Variants in MACO1 observed in about 807,000 individuals in gnomAD.
The protein encoded by MACO1 is macoilin 1, also known as macoilin.
In MACO1, 14 loss-of-function variants were observed where a neutral mutation model predicts 78.7. The ratio of observed to expected loss-of-function variants is 0.18; its 90% CI spans 0.12 to 0.28. The LOEUF (loss-of-function observed/expected upper bound fraction) is 0.28, where lower values mean the gene tolerates loss of function less well. MACO1 is among the 10% of genes least tolerant of loss of function. MACO1 has a pLI of 1.00. For missense variants in MACO1, 501 were observed against 799.0 expected, an observed-to-expected ratio of 0.63 and a Z score of 4.50; for synonymous variants, 288 against 291.6, an observed-to-expected ratio of 0.99 and a Z score of 0.12.
At chr1:25,454,529 G>C (rs564110659) in intron 4 of MACO1, 147 bp downstream of exon 4, 6 of 190,496 alleles carry the variant, frequency 3.1e-5, no homozygotes, top group African/African-American at 1.5e-4. Flanking sequence ...TGTCACCCAG[G>C]CTGGAATGCA....
intron 1 of MACO1, among the ~76,000 whole-genome samples, chr1:25,441,613 C>A (rs545112764): frequency 6.6e-6 from 1 of 152,196 alleles, no homozygotes; most frequent in Admixed American, 6.5e-5. Flanking sequence ...TACATCCGAA[C>A]AGTTAATTAC....
chr1:25,435,937 T>C (rs1481580858), intron 1 of MACO1, among the ~76,000 whole-genome samples: 1 of 152,224 alleles, frequency 6.6e-6, no homozygotes, highest in Non-Finnish European at 1.5e-5. Flanking sequence ...GTCTGAGCAG[T>C]CTTGGCAGTT....
chr1:25,434,238 G>A (rs1323864824), intron 1 of MACO1, among the ~76,000 whole-genome samples: 4 of 152,144 alleles, frequency 2.6e-5, no homozygotes, highest in African/African-American at 9.7e-5. Flanking sequence ...ATAGGAGAAA[G>A]GAAATAGGAA....
intron 1 of MACO1, among the ~76,000 whole-genome samples, chr1:25,435,504 G>A (rs2042912227): frequency 6.6e-6 from 1 of 152,056 alleles, no homozygotes; most frequent in African/African-American, 2.4e-5. Flanking sequence ...ATCTCCAGAG[G>A]TTTCATTTGA....
chr1:25,437,071 G>A (rs576205847), intron 1 of MACO1, among the ~76,000 whole-genome samples: 1 of 152,086 alleles, frequency 6.6e-6, no homozygotes, highest in Non-Finnish European at 1.5e-5. Context: ...CAGCACAGAG[G>A]AGTGGCTAGA....
At chr1:25,495,918 C>T (rs776185751) in intron 10 of MACO1, among the ~76,000 whole-genome samples, 30 of 152,246 alleles carry the variant, frequency 2.0e-4, no homozygotes, top group Non-Finnish European at 4.0e-4. Context: ...GTAGCAATCA[C>T]GCCACTGCAC....
intron 6 of MACO1, among the ~76,000 whole-genome samples, chr1:25,472,191 T>G (rs2043277024): frequency 6.6e-6 from 1 of 151,572 alleles, no homozygotes. Flanking sequence ...GATCCCACAT[T>G]AAAAAAATAT....
chr1:25,471,635 A>G (rs2043272617), intron 6 of MACO1, among the ~76,000 whole-genome samples: 1 of 152,162 alleles, frequency 6.6e-6, no homozygotes, highest in Non-Finnish European at 1.5e-5. Context: ...AATAAATGCT[A>G]CCTTTGTGCA....
intron 1 of MACO1, among the ~76,000 whole-genome samples, chr1:25,442,385 G>A (rs758820742): frequency 6.6e-6 from 1 of 152,190 alleles, no homozygotes; most frequent in South Asian, 2.1e-4. Flanking sequence ...GGATTGAGAT[G>A]GATGGCTACT....
Position 25,485,659 on chromosome 1 carries a change from A to T in MACO1, c.1360A>T (p.Ser454Cys). 1 of 1,614,230 alleles carries T rather than the reference A, an allele frequency of 6.2e-7. No individual in the cohort carries two copies. The highest frequency in any genetic ancestry group is 8.5e-7 in the Non-Finnish European group (1 of 1,180,042). ...QMKQKDKQNI[S>C]QLEKKLKAEQ... Reference sequence around the variant, plus strand: ...GAAGCAAAAAGACAAGCAGAATATCAGCCAGTTGGAGAAAAAGCTAAAAGC... The same window carrying T: ...GAAGCAAAAAGACAAGCAGAATATCTGCCAGTTGGAGAAAAAGCTAAAAGC... Residue 454 changes from serine (S) to cysteine (C), a missense_variant, in exon 8 of 11, where the codon AGC (serine) becomes TGC (cysteine). By Grantham distance (112) the Ser-to-Cys change is moderately radical. Coordinates refer to ENST00000374343, the MANE Select transcript of MACO1 (RefSeq NM_018202.6). The surrounding 1 kb of genome is among the most constrained non-coding windows in gnomAD (Gnocchi z 4.3).
In MACO1 at chr1:25,499,153, A is replaced by G. The variant is rs932285734; in HGVS notation, c.*687A>G. On this transcript the variant is annotated 3_prime_UTR_variant, in exon 11 of 11. Transcript: ENST00000374343. Reference sequence around the variant, plus strand: ...AATTGCTAGCAGCAGTCTTCTTCACAGTGCCTTGGGAAAAGACATTTCAAG... The same window carrying G: ...AATTGCTAGCAGCAGTCTTCTTCACGGTGCCTTGGGAAAAGACATTTCAAG... 2 of 152,272 alleles carry G rather than the reference A, an allele frequency of 1.3e-5. No homozygotes were observed. The highest frequency in any genetic ancestry group is 4.8e-5 in the African/African-American group (2 of 41,472). The allele number at this position is 152,272 out of a possible 1,614,324, so 9.4% of individuals were successfully genotyped here.
At chr1:25,455,043 G>A (rs551267542) in intron 4 of MACO1, among the ~76,000 whole-genome samples, 2 of 152,188 alleles carry the variant, frequency 1.3e-5, no homozygotes, top group African/African-American at 2.4e-5. Context: ...AGTGATACAT[G>A]TATTCAACTT....
At position 25,493,958 on chromosome 1, in the gene MACO1, C is replaced by G. The variant is rs548057679; in HGVS notation, c.1792+2374C>G. ...GTGTTAGCCAGGATGGTCTCGATCTCCTGACCTCGTGATCCACCCGCCTCG... is the reference window on the plus strand; with the variant it reads ...GTGTTAGCCAGGATGGTCTCGATCTGCTGACCTCGTGATCCACCCGCCTCG... On this transcript the variant is annotated intron_variant, in intron 10 of 10. Coordinates refer to ENST00000374343, the MANE Select transcript of MACO1 (RefSeq NM_018202.6). Among the ~76,000 whole-genome samples, 408 of 152,086 alleles carry G rather than the reference C, an allele frequency of 2.7e-3. 2 individuals are homozygous for G. Among genetic ancestry groups the G allele is most frequent in the Non-Finnish European group, 3.1e-3 (210 of 67,978 alleles).
At chr1:25,456,928 T>C (rs2043127024) in intron 5 of MACO1, 97 bp downstream of exon 5, 1 of 1,328,282 alleles carries the variant, frequency 7.5e-7, no homozygotes, top group Non-Finnish European at 1.0e-6. Context: ...AGGATTTTGT[T>C]TTTTTCTGTC....
chr1:25,471,341 CA>C (rs34002682), intron 6 of MACO1, among the ~76,000 whole-genome samples: 72,502 of 125,160 alleles, frequency 0.58, 18,013 homozygotes, highest in East Asian at 0.72. Flanking sequence ...TCTGTCTCAA[CA>C]AAAAAAAAAA....
intron 9 of MACO1, 49 bp downstream of exon 9, chr1:25,489,342 G>A (rs1413854761): frequency 1.2e-6 from 2 of 1,601,998 alleles, no homozygotes; most frequent in East Asian, 4.5e-5. Flanking sequence ...CCACTTTTAT[G>A]CTAAACTTGT....
In MACO1 at chr1:25,471,885, G is replaced by A. The variant is rs77644264; in HGVS notation, c.1155-12231G>A. On this transcript the variant is annotated intron_variant, in intron 6 of 10. Transcript: ENST00000374343. ...AGAAAGTTTTAAAATCCAGCACTCCGTCAGTAGTTTTTCCCAAGGCTTTGA... is the reference window on the plus strand; with the variant it reads ...AGAAAGTTTTAAAATCCAGCACTCCATCAGTAGTTTTTCCCAAGGCTTTGA... Among the ~76,000 whole-genome samples, 818 of 152,210 alleles carry A rather than the reference G, an allele frequency of 5.4e-3. 6 individuals carry two copies. Among genetic ancestry groups the A allele is most frequent in the African/African-American group, 0.018 (745 of 41,522 alleles).
intron 1 of MACO1, among the ~76,000 whole-genome samples, chr1:25,438,000 GC>G (rs1411328602): frequency 2.0e-5 from 3 of 151,874 alleles, no homozygotes; most frequent in Non-Finnish European, 4.4e-5. Flanking sequence ...ACCATAATCA[GC>G]CCCCAATTTA....
intron 6 of MACO1, among the ~76,000 whole-genome samples, chr1:25,474,695 T>C (rs545834158): frequency 1.3e-5 from 2 of 152,360 alleles, no homozygotes; most frequent in African/African-American, 4.8e-5. Flanking sequence ...AGCTGCTTAC[T>C]CCATCTGTGT....
Sources: gnomAD v4.1 joint callset for allele counts (sites outside exome capture counted in the v4.1 genomes callset) on GRCh38, gnomAD v4.1.1 for gene constraint, Gnocchi (gnomAD v3.1) non-coding constraint, MANE v1.5 for transcripts, NCBI Gene and HGNC (gene_info 2026-07-23, HGNC 2026-07-21) for gene names.